Variants in GPC6 observed in about 807,000 individuals in gnomAD.
The protein encoded by GPC6 is glypican 6, also known as glypican-6.
Under a neutral mutation model 55.2 loss-of-function variants are expected in GPC6, and 14 were observed. The observed-to-expected ratio is 0.25, with a 90% CI of 0.17 to 0.40. The LOEUF (loss-of-function observed/expected upper bound fraction) is 0.40. Ranked by LOEUF, GPC6 falls within the 10% of genes least tolerant of loss-of-function variation. GPC6 has a pLI of 1.00. For missense variants in GPC6, 641 were observed against 708.5 expected (o/e 0.90, Z 1.08); for synonymous variants, 278 against 259.6 (o/e 1.07, Z -0.68).
At chr13:93,223,659 G>T (rs534872322), upstream of GPC6, among the ~76,000 whole-genome samples, 16 of 152,090 alleles carry the variant, frequency 1.1e-4, no homozygotes, top group South Asian at 3.1e-3. Flanking sequence ...GGCTAGCCTG[G>T]TCTCTAACTC....
At chr13:93,491,836 T>G (rs1880020602) in intron 1 of GPC6, among the ~76,000 whole-genome samples, 1 of 117,940 alleles carries the variant, frequency 8.5e-6, no homozygotes, top group South Asian at 2.9e-4. Context: ...GTTGTAGGTA[T>G]GCGGCGTTAT....
chr13:93,512,567 A>G (rs761393502), intron 1 of GPC6, among the ~76,000 whole-genome samples: 12 of 151,910 alleles, frequency 7.9e-5, no homozygotes, highest in Non-Finnish European at 1.6e-4. Context: ...GTTTGCTTGT[A>G]TTTTATGGAG....
chr13:94,349,462 G>C (rs1878431988), intron 6 of GPC6, among the ~76,000 whole-genome samples: 1 of 152,110 alleles, frequency 6.6e-6, no homozygotes, highest in Non-Finnish European at 1.5e-5. Context: ...AGCACTTATG[G>C]ACTTACAAAG....
At chr13:93,590,553 AATTG>A (rs533266600) in intron 2 of GPC6, among the ~76,000 whole-genome samples, 255 of 152,274 alleles carry the variant, frequency 1.7e-3, no homozygotes, top group African/African-American at 5.7e-3. Flanking sequence ...AGAATGTGTG[AATTG>A]ATTCTTTAAA....
At chr13:93,220,230 C>G in the GPC6 span, among the ~76,000 whole-genome samples, 145,334 of 152,322 alleles carry the variant, frequency 0.95, 69,692 homozygotes, top group East Asian at 1. Flanking sequence ...TATTCCCTAC[C>G]GAATAAGCCT....
At chr13:93,823,770 C>G (rs1463671705) in intron 2 of GPC6, among the ~76,000 whole-genome samples, 1 of 152,072 alleles carries the variant, frequency 6.6e-6, no homozygotes, top group South Asian at 2.1e-4. Flanking sequence ...CTAATAACCT[C>G]TCAAACAGGA....
intron 1 of GPC6, among the ~76,000 whole-genome samples, chr13:93,319,212 G>A (rs1485059724): frequency 6.6e-6 from 1 of 152,134 alleles, no homozygotes; most frequent in Non-Finnish European, 1.5e-5. Flanking sequence ...ACTCTGCAGT[G>A]AAACCCTTTG....
At chr13:93,688,962 C>T (rs1243424459) in intron 2 of GPC6, among the ~76,000 whole-genome samples, 1 of 151,902 alleles carries the variant, frequency 6.6e-6, no homozygotes, top group Non-Finnish European at 1.5e-5. Context: ...TCTAAAAATC[C>T]TATGAGGTTT....
intron 1 of GPC6, among the ~76,000 whole-genome samples, chr13:93,525,859 TAAAG>T (rs889942155): frequency 2.0e-5 from 3 of 152,062 alleles, no homozygotes; most frequent in African/African-American, 7.2e-5. Flanking sequence ...AATGAATTAA[TAAAG>T]AACCAATGGT....
chr13:94,402,824 T>G (rs1881200961), intron 8 of GPC6, among the ~76,000 whole-genome samples, 191 bp from the exon 9 acceptor site: 2 of 152,038 alleles, frequency 1.3e-5, no homozygotes, highest in Admixed American at 1.3e-4. Flanking sequence ...CCATCAGATC[T>G]CGTGAGAACT....
At chr13:94,401,291 G>A (rs1444119833) in intron 8 of GPC6, among the ~76,000 whole-genome samples, 1 of 152,164 alleles carries the variant, frequency 6.6e-6, no homozygotes, top group African/African-American at 2.4e-5. Context: ...TAACATTCTT[G>A]AGAAGGAGAT....
intron 1 of GPC6, among the ~76,000 whole-genome samples, chr13:93,435,223 T>C (rs1877523257): frequency 6.6e-6 from 1 of 152,064 alleles, no homozygotes; most frequent in South Asian, 2.1e-4. Flanking sequence ...CAAGTGATCC[T>C]CCTGCCTCAG....
chr13:93,809,923 A>G (rs1335746444), intron 2 of GPC6, among the ~76,000 whole-genome samples: 1 of 152,138 alleles, frequency 6.6e-6, no homozygotes, highest in African/African-American at 2.4e-5. Context: ...ACTTTAATTT[A>G]CATTCCTTGC....
chr13:93,828,299 A>C (rs533177857), intron 2 of GPC6, among the ~76,000 whole-genome samples: 1 of 152,158 alleles, frequency 6.6e-6, no homozygotes, highest in East Asian at 1.9e-4. Flanking sequence ...CTGTATCAGC[A>C]AGGCCAAGCT....
chr13:93,673,166 A>G (rs1314597678), intron 2 of GPC6, among the ~76,000 whole-genome samples: 3 of 152,092 alleles, frequency 2.0e-5, no homozygotes, highest in African/African-American at 4.8e-5. Flanking sequence ...AAGAAGGAGG[A>G]GGCAGAGCAT....
At chr13:93,854,008 G>C (rs1460516791) in intron 3 of GPC6, among the ~76,000 whole-genome samples, 2 of 151,602 alleles carry the variant, frequency 1.3e-5, no homozygotes, top group African/African-American at 4.8e-5. Flanking sequence ...TATCATACAT[G>C]ATTAATGACA....
chr13:93,703,732 C>T (rs942072125), intron 2 of GPC6, among the ~76,000 whole-genome samples: 2 of 151,736 alleles, frequency 1.3e-5, no homozygotes, highest in African/African-American at 2.4e-5. Flanking sequence ...GAACTATCTA[C>T]TTAATATTTG....
chr13:94,017,324 T>C lies in GPC6; in HGVS notation c.712-10405T>C, dbSNP rs141819283. Among the ~76,000 whole-genome samples, 37 of 152,278 alleles carry C rather than the reference T, an allele frequency of 2.4e-4. 1 individual carries two copies. The highest frequency in any genetic ancestry group is 7.5e-4 in the African/African-American group (31 of 41,564). On this transcript the variant is annotated intron_variant, in intron 3 of 8. Transcript: ENST00000377047. ...ATTTTTATACTGCCATGAAGAAGTA[T>C]GACTGGGTAATTTATAAAGGAAAGA...
At chr13:93,557,817 TACTA>T (rs1472653925) in intron 2 of GPC6, among the ~76,000 whole-genome samples, 9 of 152,330 alleles carry the variant, frequency 5.9e-5, no homozygotes, top group African/African-American at 1.9e-4. Context: ...ATTTTTAAAT[TACTA>T]GCCACATTCC....
Sources: gnomAD v4.1 joint callset for allele counts (sites outside exome capture counted in the v4.1 genomes callset) on GRCh38, gnomAD v4.1.1 for gene constraint, MANE v1.5 for transcripts, NCBI Gene and HGNC (gene_info 2026-07-23, HGNC 2026-07-21) for gene names.